Variants in NINL observed in about 807,000 individuals in gnomAD.
NINL encodes the protein ninein-like protein.
NINL carries 153 observed loss-of-function variants against 160.3 expected under a neutral mutation model. The ratio of observed to expected loss-of-function variants is 0.95; its 90% CI spans 0.84 to 1.09. NINL has a LOEUF of 1.09. Ranked by LOEUF, NINL falls within the 50% of genes least tolerant of loss-of-function variation. The probability of loss-of-function intolerance (pLI) is 0.00; values close to 1 mark genes in which losing one functional copy is unlikely to be tolerated. For missense variants in NINL, 1,829 were observed against 1,764.0 expected, an observed-to-expected ratio of 1.04 and a Z score of -0.66; for synonymous variants, 800 against 734.8, an observed-to-expected ratio of 1.09 and a Z score of -1.43.
chr20:25,580,291 G>A (rs1008168427), intron 1 of NINL, among the ~76,000 whole-genome samples: 5 of 151,382 alleles, frequency 3.3e-5, no homozygotes, highest in Non-Finnish European at 7.4e-5. Flanking sequence ...CCAAGATTGC[G>A]CCATGGCACT....
chr20:25,475,330 TAAAA>T (rs750620282), intron 17 of NINL, among the ~76,000 whole-genome samples: 2 of 152,032 alleles, frequency 1.3e-5, no homozygotes, highest in Non-Finnish European at 2.9e-5. Context: ...TTCTACCACT[TAAAA>T]AAGAACTTCC....
chr20:25,488,391 G>A (rs1441802857), intron 13 of NINL, among the ~76,000 whole-genome samples: 1 of 152,022 alleles, frequency 6.6e-6, no homozygotes, highest in Non-Finnish European at 1.5e-5. Context: ...ACACCCAGCT[G>A]ATTTTTGTAT....
At position 25,500,899 on chromosome 20, in the gene NINL, C is replaced by T. The variant is rs1233863572; in HGVS notation, c.973G>A (p.Asp325Asn). 11 of 1,614,192 alleles carry T rather than the reference C, an allele frequency of 6.8e-6. No individual in the cohort carries two copies. The highest frequency in any genetic ancestry group is 9.3e-6 in the Non-Finnish European group (11 of 1,180,034). ...IDDGSGFAFP[D>N]QVLAMWTQEG... ...TGGGTCCACATGGCCAGGACCTGAT[C>T]AGGAAAAGCGAAGCCAGAACCATCG... The change falls in exon 8 of 24, where the codon GAT (aspartate) becomes AAT (asparagine). Residue 325 changes from aspartate to asparagine, a missense_variant. Coordinates refer to ENST00000278886, the MANE Select transcript of NINL (RefSeq NM_025176.6).
In NINL at chr20:25,476,477, G is replaced by GGCTCCAGGCT; in HGVS notation, c.2804_2813dup (p.Arg939AlafsTer38). 2 of 1,606,192 alleles carry GGCTCCAGGCT rather than the reference G, an allele frequency of 1.2e-6. No homozygotes were observed. The highest frequency in any genetic ancestry group is 1.7e-6 in the Non-Finnish European group (2 of 1,179,874). On this transcript the variant is annotated frameshift_variant, in exon 17 of 24. Coordinates refer to ENST00000278886, the MANE Select transcript of NINL (RefSeq NM_025176.6). LOFTEE classifies it high-confidence loss of function. ...CTGTTCCCAGCAGAGGCAGCTCCCGGGCTCCAGGCTGCTCCAGCCCCGCTG... is the reference window on the plus strand; with the variant it reads ...CTGTTCCCAGCAGAGGCAGCTCCCGGGCTCCAGGCTGCTCCAGGCTGCTCCAGCCCCGCTG...
chr20:25,468,076 A>G (rs552405562), intron 18 of NINL, among the ~76,000 whole-genome samples: 2 of 152,188 alleles, frequency 1.3e-5, no homozygotes, highest in Admixed American at 1.3e-4. Context: ...ATAATTGGGA[A>G]AAAAAAAGGC....
chr20:25,580,713 C>A (rs1433793426), intron 1 of NINL, among the ~76,000 whole-genome samples: 1 of 152,236 alleles, frequency 6.6e-6, no homozygotes, highest in Non-Finnish European at 1.5e-5. Context: ...TGTCCATTCA[C>A]AAACAACAAT....
At chr20:25,533,018 G>A (rs113430814) in intron 1 of NINL, among the ~76,000 whole-genome samples, 3,220 of 152,204 alleles carry the variant, frequency 0.021, 102 homozygotes, top group African/African-American at 0.073. Flanking sequence ...AAAGCGGCCC[G>A]GCTCAGCCAC....
chr20:25,543,976 A>G (rs1185911322), intron 1 of NINL, among the ~76,000 whole-genome samples: 1 of 132,448 alleles, frequency 7.6e-6, no homozygotes. Context: ...TATATAATGT[A>G]AGGTAAGAGT....
chr20:25,548,373 G>A (rs746772162), intron 1 of NINL, among the ~76,000 whole-genome samples: 2 of 152,188 alleles, frequency 1.3e-5, no homozygotes, highest in African/African-American at 2.4e-5. Context: ...TCCTGAGGGG[G>A]AAATCAGAGG....
chr20:25,453,626 T>A lies in NINL; in HGVS notation c.3974A>T (p.Lys1325Met). Residue 1325 changes from lysine (K) to methionine (M), a missense_variant, in exon 24 of 24, where the codon AAG becomes ATG. Physicochemically the swap from Lys to Met is moderately conservative, Grantham distance 95. Transcript: ENST00000278886. ...KLKEQFEKNT[K>M]SDLLLKELYV... Reference sequence around the variant, plus strand: ...CAGCTCCTTCAGCAGCAGGTCGGACTTCGTGTTCTTTTCAAACTAGAGAGG... The same window carrying A: ...CAGCTCCTTCAGCAGCAGGTCGGACATCGTGTTCTTTTCAAACTAGAGAGG... 1 of 1,605,736 alleles carries A rather than the reference T, an allele frequency of 6.2e-7. No individual in the cohort carries two copies. Among genetic ancestry groups the A allele is most frequent in the Non-Finnish European group, 8.5e-7 (1 of 1,176,414 alleles).
intron 5 of NINL, among the ~76,000 whole-genome samples, chr20:25,508,895 T>G (rs2064013125): frequency 6.6e-6 from 1 of 152,212 alleles, no homozygotes. Context: ...CCGGCCTTCC[T>G]CTTTCCTGAA....
chr20:25,469,655 C>T (rs920231676), intron 18 of NINL, among the ~76,000 whole-genome samples: 5 of 152,144 alleles, frequency 3.3e-5, no homozygotes, highest in African/African-American at 9.7e-5. Flanking sequence ...TTGTGGCCTC[C>T]CCCAACCCCT....
chr20:25,561,227 G>T (rs6037142), intron 1 of NINL, among the ~76,000 whole-genome samples: 6 of 152,132 alleles, frequency 3.9e-5, no homozygotes, highest in Admixed American at 1.3e-4. Context: ...TTGGTGGAGA[G>T]GGGGTTTCGC....
rs1223966143 is a variant in NINL, at chr20:25,585,452, C to T, written c.-12+3G>A. 1 of 152,182 alleles carries T rather than the reference C, an allele frequency of 6.6e-6. No individual in the cohort carries two copies. Among genetic ancestry groups the T allele is most frequent in the East Asian group, 1.9e-4 (1 of 5,180 alleles). 9.4% of individuals were successfully genotyped at this position (152,182 alleles called of 1,614,324 possible). On this transcript the variant is annotated splice_donor_region_variant and intron_variant, in intron 1 of 23. Transcript: ENST00000278886. ...GTCCCGCCGGACGCCCGGGCCGGCTCACCTGGGAGGCGCCTCCGCCGTCCG... is the reference window on the plus strand; with the variant it reads ...GTCCCGCCGGACGCCCGGGCCGGCTTACCTGGGAGGCGCCTCCGCCGTCCG...
At chr20:25,496,928 A>AGTGCCCG in intron 9 of NINL, 125 bp from the exon 10 acceptor site, 1 of 1,247,234 alleles carries the variant, frequency 8.0e-7, no homozygotes, top group Non-Finnish European at 1.1e-6. Flanking sequence ...TACAGCGGGC[A>AGTGCCCG]CTGCTCCACC....
chr20:25,512,806 G>T, intron 4 of NINL, 28 bp downstream of exon 4: 1 of 1,584,444 alleles, frequency 6.3e-7, no homozygotes, highest in Non-Finnish European at 8.6e-7. Flanking sequence ...ACACTGGGCA[G>T]CTGGGGTGGG....
chr20:25,480,849 A>G (rs1369892602), intron 14 of NINL, among the ~76,000 whole-genome samples: 1 of 152,168 alleles, frequency 6.6e-6, no homozygotes, highest in Non-Finnish European at 1.5e-5. Flanking sequence ...TGGGACGTCA[A>G]TGGGGCTACG....
At chr20:25,477,480 C>T (rs1209430725) in intron 16 of NINL, among the ~76,000 whole-genome samples, 2 of 152,198 alleles carry the variant, frequency 1.3e-5, no homozygotes, top group Non-Finnish European at 2.9e-5. Flanking sequence ...GGGTTCTACA[C>T]GATAGCGCTG....
At chr20:25,501,158 GAGGTGCAGCCCCATCACATGACCTCTCCA>G in intron 7 of NINL, 148 bp from the exon 8 acceptor site, 1 of 1,056,066 alleles carries the variant, frequency 9.5e-7, no homozygotes, top group South Asian at 1.7e-5. Context: ...AGAGGGGTCA[GAGGTGCAGCCCCATCACATGACCTCTCCA>G]AGGTCACATG....
Sources: allele counts gnomAD v4.1 joint callset (sites outside exome capture counted in the v4.1 genomes callset), GRCh38; gene constraint gnomAD v4.1.1; transcripts MANE v1.5; gene names NCBI Gene and HGNC (gene_info 2026-07-23, HGNC 2026-07-21).